The following CNTN6 variants were observed in gnomAD, a reference collection of about 807,000 sequenced individuals.
CNTN6 encodes contactin-6.
CNTN6 carries 137 observed loss-of-function variants against 122.8 expected under a neutral mutation model. The ratio of observed to expected loss-of-function variants is 1.12; its 90% confidence interval spans 0.97 to 1.29. The LOEUF is 1.29. Ranked by LOEUF, CNTN6 falls within the 50% of genes most tolerant of loss-of-function variation. The probability of loss-of-function intolerance (pLI) is 0.00; values close to 1 mark genes in which losing one functional copy is unlikely to be tolerated. For synonymous variants in CNTN6, 570 were observed against 426.0 expected (o/e 1.34, Z -4.16); for missense variants, 1,634 against 1,223.4 (o/e 1.34, Z -5.01).
At chr3:1,258,910 C>A (rs2094801653) in intron 4 of CNTN6, among the ~76,000 whole-genome samples, 4 of 152,212 alleles carry the variant, frequency 2.6e-5, no homozygotes, top group South Asian at 2.1e-4. Context: ...GGTCAGCAAA[C>A]CTTTTCTGTA....
At chr3:1,115,509 G>A (rs1396977102) in intron 1 of CNTN6, among the ~76,000 whole-genome samples, 1 of 152,154 alleles carries the variant, frequency 6.6e-6, no homozygotes, top group African/African-American at 2.4e-5. Context: ...CAGCACTTTG[G>A]GAGGCCAAGG....
intron 4 of CNTN6, among the ~76,000 whole-genome samples, chr3:1,228,866 A>G (rs2094319330): frequency 6.6e-6 from 1 of 152,214 alleles, no homozygotes; most frequent in African/African-American, 2.4e-5. Flanking sequence ...TACTTCAGTC[A>G]TCAGTAGATA....
intron 7 of CNTN6, among the ~76,000 whole-genome samples, chr3:1,305,514 T>G (rs1320748913): frequency 1.3e-5 from 2 of 152,174 alleles, no homozygotes; most frequent in Non-Finnish European, 2.9e-5. Context: ...GAGAAGCTCC[T>G]TGTATAGGTG....
intron 2 of CNTN6, among the ~76,000 whole-genome samples, chr3:1,159,603 C>T (rs2093074190): frequency 6.6e-6 from 1 of 151,130 alleles, no homozygotes; most frequent in African/African-American, 2.4e-5. Context: ...AATATACTGT[C>T]ATTAATTTTA....
chr3:1,326,740 C>A (rs556165921), intron 9 of CNTN6, among the ~76,000 whole-genome samples: 28 of 152,026 alleles, frequency 1.8e-4, no homozygotes, highest in African/African-American at 6.5e-4. Context: ...GAATATAATG[C>A]TGTTCTTTGT....
chr3:1,238,970 A>G (rs2094451771), intron 4 of CNTN6, among the ~76,000 whole-genome samples: 1 of 152,204 alleles, frequency 6.6e-6, no homozygotes, highest in African/African-American at 2.4e-5. Context: ...TACAACTGAT[A>G]TCACAGAAAT....
At chr3:1,250,918 C>G (rs935698748) in intron 4 of CNTN6, among the ~76,000 whole-genome samples, 38 of 80,420 alleles carry the variant, frequency 4.7e-4, no homozygotes, top group African/African-American at 1.9e-3. Flanking sequence ...CGTGCCATTT[C>G]CAGATGATCC....
chr3:1,248,569 C>T (rs906281963), intron 4 of CNTN6, among the ~76,000 whole-genome samples: 8 of 152,114 alleles, frequency 5.3e-5, no homozygotes, highest in Non-Finnish European at 4.4e-5. Context: ...CCTGTAATCT[C>T]AGCACTTTAG....
chr3:1,235,187 C>T (rs567081959), intron 4 of CNTN6, among the ~76,000 whole-genome samples: 6 of 152,144 alleles, frequency 3.9e-5, no homozygotes, highest in Admixed American at 2.0e-4. Context: ...ATTGTGCAGG[C>T]TAAGAGTTGG....
intron 5 of CNTN6, among the ~76,000 whole-genome samples, chr3:1,283,639 CTTCACTATGTAGTAATAGT>C (rs1410680569): frequency 1.3e-5 from 2 of 151,898 alleles, no homozygotes; most frequent in African/African-American, 4.8e-5. Context: ...TAAACCCCCC[CTTCACTATGTAGTAATAGT>C]TTCACTTTAT....
chr3:1,359,788 G>A (rs1009791347), intron 12 of CNTN6, among the ~76,000 whole-genome samples: 3 of 152,020 alleles, frequency 2.0e-5, no homozygotes, highest in Admixed American at 2.0e-4. Flanking sequence ...GAGAAATGAA[G>A]ACCCCATCAC....
chr3:1,383,519 G>C, intron 19 of CNTN6, 111 bp downstream of exon 19: 1 of 791,610 alleles, frequency 1.3e-6, no homozygotes, highest in Middle Eastern at 2.5e-4. Context: ...GATAATGTGT[G>C]TCTAAAGCTA....
chr3:1,375,132 C>T (rs538311885), intron 16 of CNTN6, among the ~76,000 whole-genome samples: 1 of 152,078 alleles, frequency 6.6e-6, no homozygotes, highest in African/African-American at 2.4e-5. Context: ...ATAGAAATTC[C>T]CCGGCCCTCC....
intron 12 of CNTN6, among the ~76,000 whole-genome samples, chr3:1,361,203 C>T (rs1204290823): frequency 2.6e-5 from 4 of 152,090 alleles, no homozygotes; most frequent in African/African-American, 9.7e-5. Flanking sequence ...AAACCCACAC[C>T]TTGACACACA....
chr3:1,102,908 C>T (rs1286986866), intron 1 of CNTN6, among the ~76,000 whole-genome samples: 2 of 150,700 alleles, frequency 1.3e-5, no homozygotes, highest in African/African-American at 2.4e-5. Context: ...GAGATCGAGA[C>T]CATCCTGGCT....
chr3:1,106,847 AT>A (rs1216076371), intron 1 of CNTN6, among the ~76,000 whole-genome samples: 1 of 152,106 alleles, frequency 6.6e-6, no homozygotes. Context: ...TGGTGGGATT[AT>A]TTTGTTTTAT....
In CNTN6 at chr3:1,338,150, A is replaced by G. The variant is rs565294086; in HGVS notation, c.1364+8215A>G. Among the ~76,000 whole-genome samples the G allele has an allele frequency of 2.6e-5, 4 of 152,270 alleles. No homozygotes were observed. In the East Asian group the frequency reaches 5.8e-4, roughly 22 times the overall value. On this transcript the variant is annotated intron_variant, in intron 11 of 22. Transcript: ENST00000446702. ...GTAAAGCCACCCTTGGTGGCTTTCA[A>G]CCAAGGGTAAATAGGAGAAAACAAA...
At chr3:1,184,352 G>T (rs1385447349) in intron 2 of CNTN6, among the ~76,000 whole-genome samples, 3 of 152,132 alleles carry the variant, frequency 2.0e-5, no homozygotes, top group Non-Finnish European at 4.4e-5. Context: ...ATATGTCATT[G>T]AATGTAGTTC....
At chr3:1,342,532 T>G (rs1575781210) in intron 11 of CNTN6, among the ~76,000 whole-genome samples, 1 of 152,254 alleles carries the variant, frequency 6.6e-6, no homozygotes, top group East Asian at 1.9e-4. Context: ...CATTTTTGTT[T>G]CCTTTCCTTT....
Sources: allele counts gnomAD v4.1 joint callset (sites outside exome capture counted in the v4.1 genomes callset), GRCh38; gene constraint gnomAD v4.1.1; transcripts MANE v1.5; gene names NCBI Gene and HGNC (gene_info 2026-07-23, HGNC 2026-07-21).